UBQLN4: variants seen among roughly 807,000 people sequenced by gnomAD.
UBQLN4 encodes ubiquilin 4, also known as ubiquilin-4.
UBQLN4 carries 11 observed loss-of-function variants against 60.4 expected under a neutral mutation model. The ratio of observed to expected loss-of-function variants is 0.18; its 90% CI spans 0.11 to 0.30. UBQLN4 has a LOEUF of 0.30. Among genes scored for constraint, UBQLN4 ranks in the 10% least tolerant of loss-of-function variants. The pLI, the probability that UBQLN4 is intolerant of heterozygous loss-of-function variation, is 1.00. For missense variants in UBQLN4, 417 were observed against 795.5 expected, an observed-to-expected ratio of 0.52 and a Z score of 5.72; for synonymous variants, 258 against 313.1, an observed-to-expected ratio of 0.82 and a Z score of 1.86.
intron 4 of UBQLN4, among the ~76,000 whole-genome samples, chr1:156,049,740 G>A (rs965282449): frequency 2.0e-5 from 3 of 152,222 alleles, no homozygotes; most frequent in Non-Finnish European, 2.9e-5. Flanking sequence ...GCCCTGCTGG[G>A]AAGATCATCT....
intron 1 of UBQLN4, among the ~76,000 whole-genome samples, chr1:156,053,360 C>T (rs932733139): frequency 2.6e-5 from 4 of 152,058 alleles, no homozygotes; most frequent in African/African-American, 9.7e-5. Context: ...CACTCTCCAC[C>T]ACGCCCCCAG....
At chr1:156,034,834 T>TATATAC (rs1683357655), downstream of UBQLN4, among the ~76,000 whole-genome samples, 1 of 35,610 alleles carries the variant, frequency 2.8e-5, no homozygotes, top group Non-Finnish European at 5.5e-5. Flanking sequence ...TCTATATATA[T>TATATAC]ATATATATAT....
rs564009107 is a variant in UBQLN4, at chr1:156,036,407, G to A, written c.*571C>T. 165 of 985,562 alleles carry A rather than the reference G, an allele frequency of 1.7e-4. No homozygotes were observed. The highest frequency in any genetic ancestry group is 1.9e-4 in the Non-Finnish European group (160 of 830,100). 61.1% of individuals were successfully genotyped at this position (985,562 alleles called of 1,614,324 possible). A position where few individuals can be genotyped will look rare whatever the true frequency, so the allele number is the denominator to read the frequency against. On this transcript the variant is annotated 3_prime_UTR_variant, in exon 11 of 11. Coordinates refer to ENST00000368309, the MANE Select transcript of UBQLN4 (RefSeq NM_020131.5). ...GAACAGGCATCTTCCTCCTTACCCT[G>A]GAATTTCCAACAGTTCCCACCAAAA...
Position 156,041,510 on chromosome 1 carries a change from A to G in UBQLN4, c.1628T>C (p.Leu543Pro), listed in dbSNP as rs1470828831. Residue 543 changes from leucine to proline, a missense_variant, in exon 10 of 11, where the codon CTT becomes CCT. Physicochemically the swap from Leu to Pro is moderately conservative, Grantham distance 98 (BLOSUM62 -3). Transcript: ENST00000368309. ...CTGTGAGTTTCCACTTCCAGCCAAA[A>G]GCTGGATCATCTGCTGCATGAGTTG... ...QQQLMQQMIQ[L>P]LAGSGNSQVQ... The G allele has an allele frequency of 3.1e-6, 5 of 1,606,360 alleles. No individual in the cohort carries two copies. The highest frequency in any genetic ancestry group is 3.4e-6 in the Non-Finnish European group (4 of 1,176,992).
chr1:156,034,344 G>C (rs1443769691), downstream of UBQLN4, among the ~76,000 whole-genome samples: 2 of 137,518 alleles, frequency 1.5e-5, no homozygotes, highest in Non-Finnish European at 3.0e-5. Flanking sequence ...TCGCCCCCAG[G>C]CTAGAGTGCG....
Position 156,053,708 on chromosome 1 carries a change from G to A in UBQLN4, c.-7C>T. 1.1e-5 allele frequency: 14 copies of A among 1,267,214 alleles called. No individual in the cohort carries two copies. Among genetic ancestry groups the A allele is most frequent in the South Asian group, 3.3e-5 (1 of 30,718 alleles). 78.5% of individuals were successfully genotyped at this position (1,267,214 alleles called of 1,614,324 possible). A position where few individuals can be genotyped will look rare whatever the true frequency, so the allele number is the denominator to read the frequency against. On this transcript the variant is annotated 5_prime_UTR_variant, in exon 1 of 11. Coordinates refer to ENST00000368309, the MANE Select transcript of UBQLN4 (RefSeq NM_020131.5). ...CCCCGCTCGGCTCCGCCATGCCGCC[G>A]CCGCCACCCGGCCGCCCGCCAGCCC... is the stretch of plus-strand genomic sequence containing the variant.
chr1:156,033,709 T>C (rs545687600), downstream of UBQLN4, among the ~76,000 whole-genome samples: 1 of 152,092 alleles, frequency 6.6e-6, no homozygotes, highest in South Asian at 2.1e-4. Flanking sequence ...CTGGGTGTCA[T>C]GGCGGGCACC....
chr1:156,048,607 T>G lies in UBQLN4; in HGVS notation c.794A>C (p.Gln265Pro), dbSNP rs572186243. The change falls in exon 5 of 11, where the codon CAG (glutamine) becomes CCG (proline). Residue 265 changes from glutamine to proline, a missense_variant. Physicochemically the swap from Gln to Pro is moderately conservative, Grantham distance 76. Coordinates refer to ENST00000368309, the MANE Select transcript of UBQLN4 (RefSeq NM_020131.5). The surrounding 1 kb of genome is among the most constrained non-coding windows in gnomAD (Gnocchi z 4.9). ...CTCAAGGTTGCTCAGGGCCCGGTCC[T>G]GGTTCCGCATCATCTCTTGCATCAT... ...PAMMQEMMRN[Q>P]DRALSNLESI... The G allele has an allele frequency of 1.9e-6, 3 of 1,614,118 alleles. No individual in the cohort carries two copies. The highest frequency in any genetic ancestry group is 1.7e-5 in the Admixed American group (1 of 60,016).
intron 10 of UBQLN4, 120 bp downstream of exon 10, chr1:156,041,365 A>G (rs1572271688): frequency 9.1e-7 from 1 of 1,096,170 alleles, no homozygotes; most frequent in African/African-American, 1.6e-5. Context: ...CAAGGCTAGC[A>G]AGTGGCAGAA....
intron 5 of UBQLN4, among the ~76,000 whole-genome samples, chr1:156,047,428 A>G (rs912991752): frequency 6.6e-6 from 1 of 151,270 alleles, no homozygotes; most frequent in African/African-American, 2.4e-5. Context: ...TATTTTTAGT[A>G]GAGATGGGGT....
chr1:156,051,629 C>T, intron 2 of UBQLN4, 77 bp downstream of exon 2: 2 of 1,594,502 alleles, frequency 1.3e-6, no homozygotes, highest in Non-Finnish European at 8.6e-7. Context: ...CCTCTGGGTA[C>T]AGTTAAGCAA....
downstream of UBQLN4, among the ~76,000 whole-genome samples, chr1:156,031,665 G>A (rs930988458): frequency 6.8e-6 from 1 of 146,574 alleles, no homozygotes; most frequent in Admixed American, 7.1e-5. Context: ...TGCAACCTCC[G>A]CCTCCCGGGT....
At position 156,036,931 on chromosome 1, in the gene UBQLN4, A is replaced by G. The variant is rs1404041839; in HGVS notation, c.*47T>C. 6.3e-7 allele frequency: 1 copy of G among 1,597,670 alleles called. No homozygotes were observed. The highest frequency in any genetic ancestry group is 1.7e-5 in the Admixed American group (1 of 57,932). Reference sequence around the variant, plus strand: ...GGGTAAGGATTGACAGAAGAACCGAATGCTGACATCGAGGGAGGGGAGAGG... The same window carrying G: ...GGGTAAGGATTGACAGAAGAACCGAGTGCTGACATCGAGGGAGGGGAGAGG... On this transcript the variant is annotated 3_prime_UTR_variant, in exon 11 of 11. Coordinates refer to ENST00000368309, the MANE Select transcript of UBQLN4 (RefSeq NM_020131.5).
chr1:156,032,305 A>G (rs1165926132), downstream of UBQLN4, among the ~76,000 whole-genome samples: 2 of 150,028 alleles, frequency 1.3e-5, no homozygotes, highest in East Asian at 2.1e-4. Context: ...CCCGGCCAAA[A>G]TGAGTCTTTA....
In UBQLN4 at chr1:156,041,583, C is replaced by G; in HGVS notation, c.1555G>C (p.Ala519Pro). 2 of 1,612,804 alleles carry G rather than the reference C, an allele frequency of 1.2e-6. No individual in the cohort carries two copies. Among genetic ancestry groups the G allele is most frequent in the South Asian group, 2.2e-5 (2 of 90,866 alleles). The part of the protein sequence containing the change: ...STPEAPTSSP[A>P]TPATSSPTGA... ...GTTGGAGAAGATGTGGCTGGCGTGG[C>G]TGGTGAGGAAGTGGGGGCCTCGGGC... The change falls in exon 10 of 11, where the codon GCC becomes CCC. Residue 519 changes from alanine (A) to proline (P), a missense_variant. Transcript: ENST00000368309.
At chr1:156,042,589 TATC>T (rs1230787604) in intron 7 of UBQLN4, 182 bp downstream of exon 7, 7 of 1,089,344 alleles carry the variant, frequency 6.4e-6, no homozygotes, top group Non-Finnish European at 7.6e-6. Flanking sequence ...CTATTGTTAT[TATC>T]ATCTTACAGA....
chr1:156,042,736 C>G (rs1351391476), intron 7 of UBQLN4, 38 bp downstream of exon 7: 3 of 1,601,442 alleles, frequency 1.9e-6, no homozygotes, highest in African/African-American at 2.7e-5. Context: ...AAGAGGAACT[C>G]TCTCCCCAAC....
Position 156,052,138 on chromosome 1 carries a change from A to T in UBQLN4, c.109-281T>A, listed in dbSNP as rs186427915. Among the ~76,000 whole-genome samples the T allele has an allele frequency of 2.6e-3, 398 of 152,192 alleles. 1 individual carries two copies. The highest frequency in any genetic ancestry group is 4.9e-3 in the Non-Finnish European group (334 of 68,004). On this transcript the variant is annotated intron_variant, in intron 1 of 10. Coordinates refer to ENST00000368309, the MANE Select transcript of UBQLN4 (RefSeq NM_020131.5). ...CCTCCCAGCTTCAGTCCCTCCACCT[A>T]GTTCTCTGTAAGGCAGAGCAGCCTC...
intron 10 of UBQLN4, among the ~76,000 whole-genome samples, chr1:156,039,144 G>A (rs769727266): frequency 6.7e-5 from 10 of 148,828 alleles, no homozygotes; most frequent in Admixed American, 2.7e-4. Flanking sequence ...GGGTCTCCCC[G>A]CGTTGCCCAG....
Sources: allele counts gnomAD v4.1 joint callset (sites outside exome capture counted in the v4.1 genomes callset), GRCh38; gene constraint gnomAD v4.1.1; non-coding constraint Gnocchi (gnomAD v3.1); transcripts MANE v1.5; gene names NCBI Gene and HGNC (gene_info 2026-07-23, HGNC 2026-07-21).